The following FTCDNL1 variants were observed in gnomAD, a reference collection of about 807,000 sequenced individuals.
The protein encoded by FTCDNL1 is formiminotransferase cyclodeaminase N-terminal like.
A neutral mutation model predicts 5.9 loss-of-function variants in FTCDNL1; 11 were observed. The observed-to-expected ratio is 1.87, with a 90% confidence interval of 1.18 to 3.10. The LOEUF is 3.10. Ranked by LOEUF, FTCDNL1 falls within the 30% of genes most tolerant of loss-of-function variation. The pLI, the probability that FTCDNL1 is intolerant of heterozygous loss-of-function variation, is 0.00. For missense variants in FTCDNL1, 115 were observed against 65.5 expected (o/e 1.76, Z -2.61); for synonymous variants, 58 against 24.8 (o/e 2.34, Z -3.99).
At chr2:199,838,156 C>G (rs1253539094) in intron 3 of FTCDNL1, among the ~76,000 whole-genome samples, 1 of 152,330 alleles carries the variant, frequency 6.6e-6, no homozygotes, top group Non-Finnish European at 1.5e-5. Context: ...GGAACACATA[C>G]AAGAAGCATC....
the FTCDNL1 span, among the ~76,000 whole-genome samples, chr2:199,714,395 A>G: frequency 6.6e-6 from 1 of 152,348 alleles, no homozygotes; most frequent in African/African-American, 2.4e-5. Flanking sequence ...ATCAGTCATG[A>G]ATAAAATATT....
chr2:199,846,159 G>T lies in FTCDNL1; in HGVS notation c.127C>A (p.Pro43Thr). Residue 43 changes from proline (P) to threonine (T), a missense_variant, in exon 3 of 5, where the codon CCT (proline) becomes ACT (threonine). Physicochemically the swap from Pro to Thr is conservative, Grantham distance 38. Transcript: ENST00000420128. ...ALLDKNGKKH[P>T]QVSVLNIFSD... ...AATATATTGAGCACTGAAACTTGAG[G>T]ATGTTTCTTTCCTGTAAAAAAAACA... 1.4e-6 allele frequency: 1 copy of T among 697,090 alleles called. No homozygotes were observed. The allele number at this position is 697,090 out of a possible 1,614,324, so 43.2% of individuals were successfully genotyped here.
the FTCDNL1 span, among the ~76,000 whole-genome samples, chr2:199,698,118 C>CCA: frequency 2.6e-5 from 4 of 152,164 alleles, no homozygotes; most frequent in Admixed American, 2.6e-4. Flanking sequence ...AACACTGCAG[C>CCA]ACACAGATTC....
chr2:199,754,183 A>G, the FTCDNL1 span, among the ~76,000 whole-genome samples: 1 of 152,130 alleles, frequency 6.6e-6, no homozygotes, highest in African/African-American at 2.4e-5. Context: ...TAAATAATAC[A>G]ATTCGTAGCT....
At chr2:199,726,715 C>A in the FTCDNL1 span, among the ~76,000 whole-genome samples, 1 of 152,158 alleles carries the variant, frequency 6.6e-6, no homozygotes, top group African/African-American at 2.4e-5. Flanking sequence ...TTCACCTGGG[C>A]CCCTCCTGCA....
At chr2:199,829,760 T>C (rs963846841) in intron 3 of FTCDNL1, among the ~76,000 whole-genome samples, 19 of 152,326 alleles carry the variant, frequency 1.2e-4, no homozygotes, top group African/African-American at 4.3e-4. Context: ...TAAACAGAAC[T>C]GCATTTCAGC....
chr2:199,748,594 A>G, the FTCDNL1 span, among the ~76,000 whole-genome samples: 1 of 152,124 alleles, frequency 6.6e-6, no homozygotes, highest in Non-Finnish European at 1.5e-5. Flanking sequence ...TGCACTATCA[A>G]TCCCATCCTA....
At chr2:199,782,928 G>T (rs1396706190) in intron 3 of FTCDNL1, among the ~76,000 whole-genome samples, 1 of 152,058 alleles carries the variant, frequency 6.6e-6, no homozygotes, top group African/African-American at 2.4e-5. Flanking sequence ...TGATTTTTTT[G>T]GGGTGGTCAT....
chr2:199,688,032 A>G, the FTCDNL1 span, among the ~76,000 whole-genome samples: 1 of 151,996 alleles, frequency 6.6e-6, no homozygotes, highest in Admixed American at 6.6e-5. Flanking sequence ...GGATCACTTG[A>G]GGCCAGAAGT....
At chr2:199,756,615 A>G (rs1698081596), downstream of FTCDNL1, among the ~76,000 whole-genome samples, 1 of 152,208 alleles carries the variant, frequency 6.6e-6, no homozygotes, top group South Asian at 2.1e-4. Context: ...CTCCCATTTC[A>G]TGTTCTACTA....
At chr2:199,727,416 G>A in the FTCDNL1 span, among the ~76,000 whole-genome samples, 5 of 152,196 alleles carry the variant, frequency 3.3e-5, no homozygotes, top group Non-Finnish European at 7.4e-5. Context: ...GGACTCACAA[G>A]AGGATCTCCT....
the FTCDNL1 span, among the ~76,000 whole-genome samples, chr2:199,707,542 T>C: frequency 6.6e-6 from 1 of 152,054 alleles, no homozygotes; most frequent in Non-Finnish European, 1.5e-5. Context: ...TTCCTTATAT[T>C]GATAATTTGG....
the FTCDNL1 span, among the ~76,000 whole-genome samples, chr2:199,711,528 T>C: frequency 6.6e-6 from 1 of 152,304 alleles, no homozygotes; most frequent in South Asian, 2.1e-4. Context: ...GATATTGGGT[T>C]GTTATGGACC....
rs1289494444 is a variant in FTCDNL1 at position 199,809,365 on chromosome 2, A to ACAGG, written c.*3336_*3339dup. On this transcript the variant is annotated 3_prime_UTR_variant, in exon 5 of 5. Transcript: ENST00000420128. ...CTTGGCCTCCCAAAGTGCTGGGATT[A>ACAGG]CAGGAATGAGCCACCACACCCAGCC... Among the ~76,000 whole-genome samples the ACAGG allele has an allele frequency of 1.3e-5, 2 of 151,906 alleles. No individual in the cohort carries two copies. The highest frequency in any genetic ancestry group is 4.8e-5 in the African/African-American group (2 of 41,342).
chr2:199,844,488 C>T (rs1021662755), intron 3 of FTCDNL1: 3 of 663,894 alleles, frequency 4.5e-6, no homozygotes, highest in South Asian at 1.6e-5. Flanking sequence ...ACTTCCATAT[C>T]GATAGCCTGG....
intron 3 of FTCDNL1, among the ~76,000 whole-genome samples, chr2:199,776,679 G>A (rs773569500): frequency 7.9e-5 from 12 of 152,132 alleles, no homozygotes; most frequent in Admixed American, 3.3e-4. Context: ...TAGACACTCC[G>A]TAGATAGAGG....
At chr2:199,692,174 A>G in the FTCDNL1 span, among the ~76,000 whole-genome samples, 1 of 152,156 alleles carries the variant, frequency 6.6e-6, no homozygotes, top group Non-Finnish European at 1.5e-5. Context: ...CCTCAATGAT[A>G]TTCTACCAGG....
Position 199,812,016 on chromosome 2 carries a change from T to C in FTCDNL1, c.*689A>G, listed in dbSNP as rs905022346. ...TAAAACATCAGAAATAACTTTCATA[T>C]GCTTTTAAATAAAATAAGAGGTAAT... On this transcript the variant is annotated 3_prime_UTR_variant, in exon 5 of 5. Coordinates refer to ENST00000420128, the MANE Select transcript of FTCDNL1 (RefSeq NM_001363886.2). Among the ~76,000 whole-genome samples, 3 of 152,264 alleles carry C rather than the reference T, an allele frequency of 2.0e-5. No individual in the cohort carries two copies. The highest frequency in any genetic ancestry group is 2.9e-5 in the Non-Finnish European group (2 of 68,048).
downstream of FTCDNL1, among the ~76,000 whole-genome samples, chr2:199,804,993 G>A (rs528091706): frequency 2.0e-5 from 3 of 152,194 alleles, no homozygotes; most frequent in Admixed American, 2.0e-4. Context: ...CAGAGCTGGG[G>A]CTCAGGCGTC....
Sources: allele counts gnomAD v4.1 joint callset (sites outside exome capture counted in the v4.1 genomes callset), GRCh38; gene constraint gnomAD v4.1.1; transcripts MANE v1.5; gene names NCBI Gene and HGNC (gene_info 2026-07-23, HGNC 2026-07-21).